The following ARHGEF3 variants were observed in gnomAD, a reference collection of about 807,000 sequenced individuals.
ARHGEF3 encodes 59.8 kDA protein.
A neutral mutation model predicts 63.2 loss-of-function variants in ARHGEF3; 28 were observed. The ratio of observed to expected loss-of-function variants is 0.44; its 90% confidence interval spans 0.33 to 0.61. The LOEUF (loss-of-function observed/expected upper bound fraction) is 0.61. Ranked by LOEUF, ARHGEF3 falls within the 20% of genes least tolerant of loss-of-function variation. The pLI, the probability that ARHGEF3 is intolerant of heterozygous loss-of-function variation, is 0.03. For missense variants in ARHGEF3, 533 were observed against 659.3 expected, an observed-to-expected ratio of 0.81 and a Z score of 2.10; for synonymous variants, 266 against 254.2, an observed-to-expected ratio of 1.05 and a Z score of -0.44.
rs1016206110 is a variant in ARHGEF3 at position 56,895,498 on chromosome 3, C to T, written c.130-13144G>A. On this transcript the variant is annotated intron_variant, in intron 3 of 12. Coordinates refer to the ARHGEF3 transcript ENST00000338458. ...TTTTTTTTTGAGATGGAGTCTTGTT[C>T]TGCCACCCAGGTTGGAGTGCAGTGG... Among the ~76,000 whole-genome samples the T allele has an allele frequency of 2.0e-5, 3 of 149,896 alleles. No individual in the cohort carries two copies. The East Asian group carries it at 5.9e-4, about 29-fold the overall frequency.
At chr3:56,742,829 A>T (rs1007212492) in intron 7 of ARHGEF3, among the ~76,000 whole-genome samples, 2 of 152,270 alleles carry the variant, frequency 1.3e-5, no homozygotes, top group African/African-American at 4.8e-5. Context: ...TTTATGCACT[A>T]GGAAAACTGG....
intron 2 of ARHGEF3, among the ~76,000 whole-genome samples, chr3:57,013,932 T>G (rs377629195): frequency 1.2e-3 from 184 of 152,342 alleles, no homozygotes; most frequent in African/African-American, 4.2e-3. Context: ...GGCAACTCTT[T>G]GGGTCAATTT....
intron 1 of ARHGEF3, among the ~76,000 whole-genome samples, chr3:56,799,738 T>C (rs12636108): frequency 0.27 from 41,523 of 152,166 alleles, 8,750 homozygotes; most frequent in East Asian, 0.65. Flanking sequence ...TAAACTCACT[T>C]AGGTTTCTTT....
chr3:56,959,122 T>A (rs1700169436), intron 2 of ARHGEF3, among the ~76,000 whole-genome samples: 1 of 152,144 alleles, frequency 6.6e-6, no homozygotes, highest in Non-Finnish European at 1.5e-5. Flanking sequence ...TTCATCTGTA[T>A]AAAGTAAAAT....
At chr3:56,840,656 TG>T (rs1263123943) in intron 4 of ARHGEF3, among the ~76,000 whole-genome samples, 1 of 152,174 alleles carries the variant, frequency 6.6e-6, no homozygotes, top group Non-Finnish European at 1.5e-5. Flanking sequence ...CTCATGTTTC[TG>T]GGGACCTCTT....
chr3:56,820,674 G>T (rs1408282154), intron 4 of ARHGEF3, among the ~76,000 whole-genome samples: 8 of 152,212 alleles, frequency 5.3e-5, no homozygotes, highest in African/African-American at 1.7e-4. Context: ...AGTGGACCAT[G>T]TTGGGATACT....
At chr3:57,018,994 A>C (rs1276789449) in intron 2 of ARHGEF3, among the ~76,000 whole-genome samples, 1 of 152,178 alleles carries the variant, frequency 6.6e-6, no homozygotes, top group Non-Finnish European at 1.5e-5. Context: ...AGAAAAAAAA[A>C]AATTAACAGT....
intron 3 of ARHGEF3, among the ~76,000 whole-genome samples, chr3:56,939,069 G>C (rs1254833115): frequency 6.6e-6 from 1 of 152,062 alleles, no homozygotes; most frequent in Non-Finnish European, 1.5e-5. Context: ...GGTGGTATTC[G>C]AGCCACAATC....
chr3:56,781,420 T>C (rs558000187), intron 1 of ARHGEF3, among the ~76,000 whole-genome samples: 81 of 138,392 alleles, frequency 5.9e-4, no homozygotes, highest in Non-Finnish European at 1.2e-3. Flanking sequence ...CTAATTTTTG[T>C]ATTTTTAGTA....
chr3:56,885,861 C>T (rs2040905612), intron 3 of ARHGEF3, among the ~76,000 whole-genome samples: 2 of 152,204 alleles, frequency 1.3e-5, no homozygotes, highest in Non-Finnish European at 2.9e-5. Context: ...AGGGAGGTGA[C>T]TGACCACTGC....
chr3:56,944,057 T>G (rs1699332641), intron 3 of ARHGEF3, among the ~76,000 whole-genome samples: 2 of 151,914 alleles, frequency 1.3e-5, no homozygotes, highest in Non-Finnish European at 2.9e-5. Context: ...GCGCCTATAA[T>G]CCCAGCTACT....
chr3:57,013,950 G>C (rs544884512), intron 2 of ARHGEF3, among the ~76,000 whole-genome samples: 14 of 152,306 alleles, frequency 9.2e-5, no homozygotes, highest in African/African-American at 3.4e-4. Flanking sequence ...TTTCCACTCT[G>C]GGGAAGTTTT....
chr3:56,886,458 C>T (rs950961363), intron 3 of ARHGEF3, among the ~76,000 whole-genome samples: 1 of 152,196 alleles, frequency 6.6e-6, no homozygotes, highest in Non-Finnish European at 1.5e-5. Context: ...TCACGCTCTA[C>T]CCAGGAACTG....
intron 9 of ARHGEF3, 102 bp from the exon 10 acceptor site, chr3:56,729,724 G>C: frequency 1.0e-6 from 1 of 984,952 alleles, no homozygotes; most frequent in Non-Finnish European, 1.5e-6. Context: ...TCCATGGCAG[G>C]TATTGCTGAT....
intron 3 of ARHGEF3, among the ~76,000 whole-genome samples, chr3:56,905,637 A>G (rs1204655022): frequency 6.6e-6 from 1 of 152,236 alleles, no homozygotes; most frequent in East Asian, 1.9e-4. Flanking sequence ...TTTGCTAAAC[A>G]TTGCCAATTG....
chr3:56,930,793 G>C (rs1388786334), intron 3 of ARHGEF3, among the ~76,000 whole-genome samples: 1 of 152,180 alleles, frequency 6.6e-6, no homozygotes, highest in Non-Finnish European at 1.5e-5. Context: ...TTGAGGTAGG[G>C]AGATGATGTT....
At chr3:56,783,995 C>T (rs1268936030) in intron 1 of ARHGEF3, among the ~76,000 whole-genome samples, 1 of 152,244 alleles carries the variant, frequency 6.6e-6, no homozygotes, top group African/African-American at 2.4e-5. Flanking sequence ...TGCACACCCA[C>T]ACCCCTGTTA....
chr3:56,802,043 G>A (rs1047737265), upstream of ARHGEF3: 13 of 1,365,982 alleles, frequency 9.5e-6, no homozygotes, highest in East Asian at 3.6e-4. Flanking sequence ...CCACGCTGCC[G>A]GGAGGGCCCA....
intron 4 of ARHGEF3, among the ~76,000 whole-genome samples, chr3:56,865,283 G>C (rs1044954410): frequency 2.6e-5 from 4 of 152,194 alleles, no homozygotes; most frequent in African/African-American, 9.7e-5. Flanking sequence ...AAGAGAACAT[G>C]CTACCACAGC....
Sources: gnomAD v4.1 joint callset for allele counts (sites outside exome capture counted in the v4.1 genomes callset) on GRCh38, gnomAD v4.1.1 for gene constraint, MANE v1.5 for transcripts, NCBI Gene and HGNC (gene_info 2026-07-23, HGNC 2026-07-21) for gene names.